LNPK: variants seen among roughly 807,000 people sequenced by gnomAD.
LNPK encodes lunapark, ER junction formation factor.
A neutral mutation model predicts 55.2 loss-of-function variants in LNPK; 29 were observed. The observed-to-expected ratio is 0.53, with a 90% CI of 0.39 to 0.72. The LOEUF is 0.72. Ranked by LOEUF, LNPK falls within the 30% of genes least tolerant of loss-of-function variation. The pLI is 0.00. For missense variants in LNPK, 467 were observed against 494.8 expected, an observed-to-expected ratio of 0.94 and a Z score of 0.53; for synonymous variants, 162 against 168.2, an observed-to-expected ratio of 0.96 and a Z score of 0.29.
intron 4 of LNPK, among the ~76,000 whole-genome samples, chr2:175,986,417 C>CA (rs1241033449): frequency 2.0e-5 from 3 of 151,808 alleles, no homozygotes; most frequent in Non-Finnish European, 4.4e-5. Context: ...TAACTCCCTC[C>CA]AAAAAAACAT....
At chr2:175,958,683 C>G (rs1685829437) in intron 8 of LNPK, among the ~76,000 whole-genome samples, 1 of 152,122 alleles carries the variant, frequency 6.6e-6, no homozygotes, top group South Asian at 2.1e-4. Flanking sequence ...ATTGCAGCTC[C>G]TTGCCAGAAA....
upstream of LNPK, chr2:176,002,656 A>G: frequency 5.9e-6 from 1 of 169,856 alleles, no homozygotes; most frequent in Non-Finnish European, 1.3e-5. Context: ...AGAAGGATGG[A>G]GATGGGTGCA....
intron 12 of LNPK, among the ~76,000 whole-genome samples, chr2:175,934,183 C>A (rs986962913): frequency 8.6e-5 from 13 of 151,978 alleles, no homozygotes; most frequent in Non-Finnish European, 1.8e-4. Context: ...TAAATATAAA[C>A]AAAGGTATAA....
intron 1 of LNPK, among the ~76,000 whole-genome samples, chr2:175,997,845 C>T (rs1269252961): frequency 3.3e-5 from 5 of 151,708 alleles, no homozygotes; most frequent in Non-Finnish European, 7.4e-5. Context: ...AAGCAATTCT[C>T]CCATCTCAGT....
chr2:175,939,586 C>A lies in LNPK; in HGVS notation c.778G>T (p.Val260Phe). 1.9e-6 allele frequency: 3 copies of A among 1,605,600 alleles called. No homozygotes were observed. In the East Asian group the frequency reaches 6.7e-5, roughly 36 times the overall value. The change falls in exon 10 of 13, where the codon GTT becomes TTT. Residue 260 changes from valine (V) to phenylalanine (F), a missense_variant. By Grantham distance (50) the Val-to-Phe change is conservative (BLOSUM62 -1). Transcript: ENST00000272748. ...PRERGALDRIVEYLVGDGPQN... is the reference protein window; with the variant it reads ...PRERGALDRIFEYLVGDGPQN... ...GGACCATCACCAACCAAATATTCAACAATTCTATCCAAAGCACCTCGTTCT... is the reference window on the plus strand; with the variant it reads ...GGACCATCACCAACCAAATATTCAAAAATTCTATCCAAAGCACCTCGTTCT...
chr2:175,961,981 G>C (rs1337179367), intron 8 of LNPK, among the ~76,000 whole-genome samples: 1 of 152,066 alleles, frequency 6.6e-6, no homozygotes, highest in Non-Finnish European at 1.5e-5. Flanking sequence ...AAATACCTAG[G>C]AATCCAACTT....
intron 1 of LNPK, among the ~76,000 whole-genome samples, chr2:175,996,118 C>G (rs1171543985): frequency 6.6e-6 from 1 of 152,026 alleles, no homozygotes; most frequent in African/African-American, 2.4e-5. Flanking sequence ...CCACCAAGCC[C>G]ACCTTTTAAA....
At chr2:175,956,381 T>C (rs1008338085) in intron 8 of LNPK, among the ~76,000 whole-genome samples, 2 of 152,012 alleles carry the variant, frequency 1.3e-5, no homozygotes, top group Non-Finnish European at 2.9e-5. Flanking sequence ...CCTATTCCTA[T>C]AACTTTGCAA....
In LNPK at chr2:175,930,101, C is replaced by T; in HGVS notation, c.1153G>A (p.Asp385Asn). ...QTNQVIEKAS[D>N]SEEPEEKQET... The stretch of plus-strand genomic sequence containing the variant: ...TGTTTCTCCTCTGGTTCCTCTGAGT[C>T]AGATGCTTTTTCAATCACTTGGTTT... The change falls in exon 13 of 13, where the codon GAC becomes AAC. Residue 385 changes from aspartate (D) to asparagine (N), a missense_variant. Transcript: ENST00000272748. The T allele has an allele frequency of 6.2e-7, 1 of 1,614,050 alleles. No homozygotes were observed. Among genetic ancestry groups the T allele is most frequent in the Non-Finnish European group, 8.5e-7 (1 of 1,179,966 alleles).
At chr2:175,979,410 T>C (rs544554222) in intron 5 of LNPK, among the ~76,000 whole-genome samples, 1 of 151,976 alleles carries the variant, frequency 6.6e-6, no homozygotes, top group Non-Finnish European at 1.5e-5. Flanking sequence ...ATACAAAAAA[T>C]TAGCTGGAAG....
chr2:175,957,263 C>G (rs542769335), intron 8 of LNPK, among the ~76,000 whole-genome samples: 1 of 152,060 alleles, frequency 6.6e-6, no homozygotes, highest in African/African-American at 2.4e-5. Context: ...GAGGCTGAGG[C>G]AGGAGAATCA....
At chr2:175,977,729 T>C (rs536141257) in intron 5 of LNPK, among the ~76,000 whole-genome samples, 1 of 152,250 alleles carries the variant, frequency 6.6e-6, no homozygotes, top group East Asian at 1.9e-4. Context: ...TGAGAAGGAA[T>C]AGGTGGAGGA....
chr2:175,971,267 C>T (rs941388545), intron 5 of LNPK, among the ~76,000 whole-genome samples: 1 of 151,834 alleles, frequency 6.6e-6, no homozygotes, highest in African/African-American at 2.4e-5. Flanking sequence ...TTTAAAAAAC[C>T]TAGAAAATCT....
chr2:175,988,349 A>AC (rs1687526073), intron 4 of LNPK, among the ~76,000 whole-genome samples: 1 of 151,736 alleles, frequency 6.6e-6, no homozygotes, highest in African/African-American at 2.4e-5. Flanking sequence ...TAAAAAAAAA[A>AC]CAAAAAACAA....
At chr2:175,936,594 C>T (rs1393092805) in intron 12 of LNPK, among the ~76,000 whole-genome samples, 1 of 152,038 alleles carries the variant, frequency 6.6e-6, no homozygotes, top group Admixed American at 6.6e-5. Context: ...TAATTCAGAG[C>T]TAATTAACAA....
intron 4 of LNPK, among the ~76,000 whole-genome samples, chr2:175,985,468 G>C (rs1687361844): frequency 6.6e-6 from 1 of 152,082 alleles, no homozygotes; most frequent in Admixed American, 6.5e-5. Flanking sequence ...TTTGCTTTTG[G>C]TTTTTATAAT....
chr2:176,002,324 G>A, upstream of LNPK: 1 of 423,374 alleles, frequency 2.4e-6, no homozygotes, highest in Non-Finnish European at 4.7e-6. Flanking sequence ...GCCAATTGGC[G>A]CCGCGGTCGG....
chr2:175,963,065 G>A (rs1404742103), intron 8 of LNPK, among the ~76,000 whole-genome samples: 1 of 147,546 alleles, frequency 6.8e-6, no homozygotes, highest in Non-Finnish European at 1.5e-5. Context: ...ACAGGTGCTG[G>A]AGAGGATGTG....
intron 3 of LNPK, among the ~76,000 whole-genome samples, chr2:175,992,739 C>T (rs933859979): frequency 1.3e-5 from 2 of 152,030 alleles, no homozygotes; most frequent in African/African-American, 4.8e-5. Context: ...AGTAATAATT[C>T]CTCCTATAAA....
Sources: gnomAD v4.1 joint callset for allele counts (sites outside exome capture counted in the v4.1 genomes callset) on GRCh38, gnomAD v4.1.1 for gene constraint, MANE v1.5 for transcripts, NCBI Gene and HGNC (gene_info 2026-07-23, HGNC 2026-07-21) for gene names.